YAF2: variants seen among roughly 807,000 people sequenced by gnomAD.
YAF2 encodes the protein YY1 associated factor 2.
A neutral mutation model predicts 20.1 loss-of-function variants in YAF2; 7 were observed. The ratio of observed to expected loss-of-function variants is 0.35; its 90% CI spans 0.20 to 0.65. YAF2 has a LOEUF of 0.65. Ranked by LOEUF, YAF2 falls within the 30% of genes least tolerant of loss-of-function variation. The probability of loss-of-function intolerance (pLI) is 0.69; values close to 1 mark genes in which losing one functional copy is unlikely to be tolerated. For synonymous variants in YAF2, 74 were observed against 76.0 expected, an observed-to-expected ratio of 0.97 and a Z score of 0.14; for missense variants, 151 against 219.2, an observed-to-expected ratio of 0.69 and a Z score of 1.96.
intron 2 of YAF2, among the ~76,000 whole-genome samples, chr12:42,227,720 C>T (rs1227248350): frequency 8.0e-5 from 12 of 150,316 alleles, no homozygotes; most frequent in South Asian, 2.1e-4. Context: ...CGTCTCCGCC[C>T]GGCAGCCACC....
rs74735383 is a variant in YAF2, at chr12:42,220,722, T to C, written c.152+16877A>G. Among the ~76,000 whole-genome samples the C allele has an allele frequency of 6.4e-3, 976 of 152,308 alleles. 12 individuals are homozygous for C. Among genetic ancestry groups the C allele is most frequent in the African/African-American group, 0.022 (933 of 41,560 alleles). On this transcript the variant is annotated intron_variant, in intron 2 of 3. Transcript: ENST00000534854. ...TGTTCTATAAAAGTAAAGTATGTTG[T>C]GCAAAGGAACCCTGATCAGACTATA...
intron 2 of YAF2, among the ~76,000 whole-genome samples, chr12:42,177,606 G>A (rs1345824383): frequency 6.6e-6 from 1 of 152,072 alleles, no homozygotes; most frequent in Non-Finnish European, 1.5e-5. Flanking sequence ...GTCACATAGG[G>A]GGTGAGGGCT....
At chr12:42,226,718 A>C (rs574552087) in intron 2 of YAF2, among the ~76,000 whole-genome samples, 3 of 152,388 alleles carry the variant, frequency 2.0e-5, no homozygotes, top group Non-Finnish European at 4.4e-5. Context: ...ACTTAGAGAC[A>C]AAATAGTCTG....
At position 42,159,619 on chromosome 12, in the gene YAF2, G is replaced by A. The variant is rs2065761508; in HGVS notation, c.*970C>T. ...AGCCAATTTGACTGATTTAAAATTAGTTATTTCCCATTTCTGTGCAATAAT... is the reference window on the plus strand; with the variant it reads ...AGCCAATTTGACTGATTTAAAATTAATTATTTCCCATTTCTGTGCAATAAT... On this transcript the variant is annotated 3_prime_UTR_variant, in exon 4 of 4. Transcript: ENST00000534854. The A allele has an allele frequency of 6.6e-6, 1 of 151,992 alleles. No homozygotes were observed. Among genetic ancestry groups the A allele is most frequent in the Non-Finnish European group, 1.5e-5 (1 of 67,908 alleles). The allele number at this position is 151,992 out of a possible 1,614,324, so 9.4% of individuals were successfully genotyped here. A position where few individuals can be genotyped will look rare whatever the true frequency, so the allele number is the denominator to read the frequency against.
intron 2 of YAF2, among the ~76,000 whole-genome samples, chr12:42,221,569 A>T (rs527398956): frequency 6.6e-5 from 10 of 152,146 alleles, no homozygotes; most frequent in African/African-American, 2.2e-4. Flanking sequence ...TTTAAAAAAA[A>T]TTTTTTTTAA....
At chr12:42,227,843 G>A (rs1341412496) in intron 2 of YAF2, among the ~76,000 whole-genome samples, 1 of 143,772 alleles carries the variant, frequency 7.0e-6, no homozygotes, top group Non-Finnish European at 1.5e-5. Context: ...CGGGAGGGAG[G>A]TGGGGGGGTC....
chr12:42,209,838 G>A (rs917285682), intron 2 of YAF2, among the ~76,000 whole-genome samples: 8 of 152,126 alleles, frequency 5.3e-5, no homozygotes, highest in Non-Finnish European at 1.0e-4. Context: ...CGCTCTTGTT[G>A]CCCAGGTTGG....
chr12:42,201,438 A>G (rs142301889), intron 2 of YAF2, among the ~76,000 whole-genome samples: 1 of 152,240 alleles, frequency 6.6e-6, no homozygotes, highest in Non-Finnish European at 1.5e-5. Context: ...AATTGCCTTT[A>G]TATCCATTGT....
At chr12:42,234,133 T>TG (rs1338905967) in intron 2 of YAF2, 1 of 889,992 alleles carries the variant, frequency 1.1e-6, no homozygotes, top group East Asian at 1.2e-4. Flanking sequence ...GTCACGCCAC[T>TG]GTACTCCAGC....
intron 2 of YAF2, among the ~76,000 whole-genome samples, chr12:42,220,106 A>T (rs2067471899): frequency 6.6e-6 from 1 of 152,132 alleles, no homozygotes; most frequent in African/African-American, 2.4e-5. Context: ...AAATGGGAAA[A>T]AGTCTACTTT....
At chr12:42,161,098 C>G (rs1480408074) in intron 3 of YAF2, 1 of 396,708 alleles carries the variant, frequency 2.5e-6, no homozygotes, top group East Asian at 4.9e-5. Flanking sequence ...ATTTTGCAGA[C>G]AGCTTATTAA....
At chr12:42,199,124 G>A (rs778979538) in intron 2 of YAF2, 1 of 1,268,058 alleles carries the variant, frequency 7.9e-7, no homozygotes, top group African/African-American at 1.5e-5. Context: ...GTGAAAAACA[G>A]TGACAGCTTA....
intron 2 of YAF2, among the ~76,000 whole-genome samples, chr12:42,197,143 A>G (rs2066774424): frequency 1.3e-5 from 2 of 152,248 alleles, no homozygotes; most frequent in African/African-American, 4.8e-5. Flanking sequence ...AATACAAGTA[A>G]GAAAATTATT....
intron 2 of YAF2, among the ~76,000 whole-genome samples, chr12:42,226,642 C>A (rs1056729110): frequency 1.6e-4 from 25 of 152,090 alleles, no homozygotes; most frequent in Non-Finnish European, 2.6e-4. Context: ...CCACCCTGGG[C>A]AACAGACTGA....
intron 2 of YAF2, chr12:42,232,073 G>A (rs1012394527): frequency 6.6e-6 from 1 of 152,126 alleles, no homozygotes; most frequent in African/African-American, 2.4e-5. Flanking sequence ...TTTATGTGTA[G>A]TTCCCATTTG....
Position 42,237,590 on chromosome 12 carries a change from G to C in YAF2, c.152+9C>G, listed in dbSNP as rs1470748960. ...GGCCGGCGGCGCGAGGGGCAGGCCC[G>C]GGACTCACCGGGTGGAGGTGCCCTT... is the stretch of plus-strand genomic sequence containing the variant. On this transcript the variant is annotated intron_variant, in intron 2 of 3. Transcript: ENST00000534854. 1.3e-6 allele frequency: 2 copies of C among 1,530,302 alleles called. No homozygotes were observed. Among genetic ancestry groups the C allele is most frequent in the East Asian group, 2.6e-5 (1 of 38,498 alleles). The allele number at this position is 1,530,302 out of a possible 1,614,324, so 94.8% of individuals were successfully genotyped here.
chr12:42,219,035 G>T (rs1376985713), intron 2 of YAF2, among the ~76,000 whole-genome samples: 1 of 152,168 alleles, frequency 6.6e-6, no homozygotes, highest in Non-Finnish European at 1.5e-5. Flanking sequence ...AACAGAATTT[G>T]AGTGGTAAAA....
At chr12:42,234,526 G>A (rs1460013251) in intron 2 of YAF2, 2 of 984,912 alleles carry the variant, frequency 2.0e-6, no homozygotes, top group Non-Finnish European at 1.2e-6. Context: ...AAAACTTGAG[G>A]AACTGAAGCT....
chr12:42,184,674 T>C (rs1760070311), intron 2 of YAF2, among the ~76,000 whole-genome samples: 1 of 152,144 alleles, frequency 6.6e-6, no homozygotes, highest in South Asian at 2.1e-4. Flanking sequence ...TGTGATTCCT[T>C]GGATGGATCT....
Sources: allele counts gnomAD v4.1 joint callset (sites outside exome capture counted in the v4.1 genomes callset), GRCh38; gene constraint gnomAD v4.1.1; transcripts MANE v1.5; gene names NCBI Gene and HGNC (gene_info 2026-07-23, HGNC 2026-07-21).